PIEZO2: variants seen among roughly 807,000 people sequenced by gnomAD.
PIEZO2 encodes piezo-type mechanosensitive ion channel component 2.
In PIEZO2, 172 loss-of-function variants were observed where a neutral mutation model predicts 337.3. The ratio of observed to expected loss-of-function variants is 0.51; its 90% confidence interval spans 0.45 to 0.58. The LOEUF (loss-of-function observed/expected upper bound fraction) is 0.58. Among genes scored for constraint, PIEZO2 ranks in the 20% least tolerant of loss-of-function variants. The pLI is 0.00. For synonymous variants in PIEZO2, 1,251 were observed against 1,228.5 expected (o/e 1.02, Z -0.38); for missense variants, 3,028 against 3,391.3 (o/e 0.89, Z 2.66).
chr18:10,724,913 A>G lies in PIEZO2; in HGVS notation c.5029+6494T>C, dbSNP rs8082883. On this transcript the variant is annotated intron_variant, in intron 36 of 55. Coordinates refer to ENST00000674853, the MANE Select transcript of PIEZO2 (RefSeq NM_001378183.1). This position sits in a 1 kb window ranked among gnomAD's most constrained non-coding sequence, Gnocchi z 5.8. Reference sequence around the variant, plus strand: ...CGGCGGGGGCGTGGCACCCTGGGACAGCCTCCACCTGGACGGCGATGGAAC... The same window carrying G: ...CGGCGGGGGCGTGGCACCCTGGGACGGCCTCCACCTGGACGGCGATGGAAC... 14,931 of 1,608,742 alleles carry G rather than the reference A, an allele frequency of 9.3e-3. 1,191 individuals are homozygous for G. The African/African-American group carries it at 0.17, about 19-fold the overall frequency.
At position 10,697,927 on chromosome 18, in the gene PIEZO2, TG is replaced by T. The variant is rs1278570382; in HGVS notation, c.6695-48del. 5 of 1,556,760 alleles carry T rather than the reference TG, an allele frequency of 3.2e-6. No homozygotes were observed. In the African/African-American group the frequency reaches 6.8e-5, roughly 21 times the overall value. On this transcript the variant is annotated intron_variant, in intron 44 of 55. Coordinates refer to ENST00000674853, the MANE Select transcript of PIEZO2 (RefSeq NM_001378183.1). Reference sequence around the variant, plus strand: ...AAGATGGGTGGTGGAGCCTGGGGTTTGTTCACCTAAATATCCAAGAAGCAGA... The same window carrying T: ...AAGATGGGTGGTGGAGCCTGGGGTTTTTCACCTAAATATCCAAGAAGCAGA...
chr18:10,762,466 T>C (rs2038175252), intron 23 of PIEZO2, 34 bp downstream of exon 23: 4 of 1,530,032 alleles, frequency 2.6e-6, no homozygotes, highest in Non-Finnish European at 3.5e-6. Context: ...TATAACGGAG[T>C]GGAGGCCCAA....
At chr18:10,869,825 G>A (rs1290038671) in intron 5 of PIEZO2, among the ~76,000 whole-genome samples, 3 of 152,172 alleles carry the variant, frequency 2.0e-5, no homozygotes, top group Admixed American at 1.3e-4. Flanking sequence ...AAAAATAGCA[G>A]AATATTGATA....
chr18:11,026,536 G>A (rs1274145929), intron 2 of PIEZO2, among the ~76,000 whole-genome samples: 1 of 152,146 alleles, frequency 6.6e-6, no homozygotes, highest in Non-Finnish European at 1.5e-5. Flanking sequence ...AAAAGAAAAC[G>A]AAGCACCAGG....
chr18:10,948,018 GAAAA>G (rs2033113596), intron 3 of PIEZO2, among the ~76,000 whole-genome samples: 1 of 151,948 alleles, frequency 6.6e-6, no homozygotes, highest in African/African-American at 2.4e-5. Context: ...AAAAAAGAAA[GAAAA>G]GAACAGATAG....
rs2035988600 is a variant in PIEZO2, at chr18:10,715,799, T to A, written c.5107A>T (p.Ile1703Leu). Residue 1703 changes from isoleucine to leucine, a missense_variant, in exon 38 of 56, where the codon ATA becomes TTA. By Grantham distance (5) the Ile-to-Leu change is conservative. Around this residue, in one of 5 missense-constraint regions of PIEZO2, gnomAD observed 1,925 missense variants for 2,051.9 expected, o/e 0.94. Transcript: ENST00000674853. The part of the protein sequence containing the change: ...SDGPDNIIKR[I>L]FNILKFTWVL... ...CAGGTAAATTTCAAAATATTAAATA[T>A]CCTCTTGATGATATTATCTAGGAGG... 1 of 1,529,604 alleles carries A rather than the reference T, an allele frequency of 6.5e-7. No individual in the cohort carries two copies. Among genetic ancestry groups the A allele is most frequent in the Non-Finnish European group, 8.8e-7 (1 of 1,141,256 alleles). 94.8% of individuals were successfully genotyped at this position (1,529,604 alleles called of 1,614,324 possible).
intron 14 of PIEZO2, 93 bp from the exon 15 acceptor site, chr18:10,789,458 A>G: frequency 3.7e-6 from 5 of 1,346,236 alleles, no homozygotes; most frequent in Non-Finnish European, 4.9e-6. Flanking sequence ...AGAGGCATGC[A>G]TTTTCTAAGT....
chr18:11,072,799 T>C (rs1226734646), intron 1 of PIEZO2, among the ~76,000 whole-genome samples: 6 of 152,222 alleles, frequency 3.9e-5, no homozygotes, highest in African/African-American at 9.6e-5. Context: ...CCTTATTCTG[T>C]GTGTCTTTCT....
chr18:10,851,133 TTC>T (rs1285484216), intron 7 of PIEZO2, among the ~76,000 whole-genome samples: 2 of 144,948 alleles, frequency 1.4e-5, no homozygotes, highest in African/African-American at 5.6e-5. Context: ...TCTTTTTCTT[TTC>T]TTTTCTTTTT....
rs2036320949 is a variant in PIEZO2 at position 11,021,762 on chromosome 18, G to A, written c.161-42102C>T. 6.6e-6 allele frequency among the ~76,000 whole-genome samples: 1 copy of A among 152,196 alleles called. No individual in the cohort carries two copies. Among genetic ancestry groups the A allele is most frequent in the African/African-American group, 2.4e-5 (1 of 41,452 alleles). ...CAATGTATGAGTCTGAGCACCTGCA[G>A]TGTGTGTGAGGCATCATCTAGACGC... On this transcript the variant is annotated intron_variant, in intron 2 of 55. Transcript: ENST00000674853. This position sits in a 1 kb window ranked among gnomAD's most constrained non-coding sequence, Gnocchi z 4.7.
intron 4 of PIEZO2, among the ~76,000 whole-genome samples, chr18:10,893,932 A>G (rs576895407): frequency 1.3e-5 from 2 of 152,166 alleles, no homozygotes; most frequent in Non-Finnish European, 2.9e-5. Flanking sequence ...CTAGTCAGGC[A>G]TGAGTGAGGC....
At chr18:10,725,123 A>G in intron 36 of PIEZO2, 8 of 1,465,590 alleles carry the variant, frequency 5.5e-6, no homozygotes, top group Non-Finnish European at 7.6e-6. Flanking sequence ...TTCGAGTACC[A>G]GGAGCCCATG....
chr18:10,796,963 T>A (rs1046496210), intron 12 of PIEZO2, among the ~76,000 whole-genome samples: 4 of 152,030 alleles, frequency 2.6e-5, no homozygotes, highest in African/African-American at 9.7e-5. Context: ...CCATCATATC[T>A]TATATACCAT....
chr18:10,802,085 C>CAAA (rs58924448), intron 9 of PIEZO2, among the ~76,000 whole-genome samples: 128 of 96,432 alleles, frequency 1.3e-3, no homozygotes, highest in African/African-American at 1.9e-3. Context: ...GACTCCGTCT[C>CAAA]AAAAAAAAAA....
At chr18:11,085,204 A>G (rs2038871563) in intron 1 of PIEZO2, among the ~76,000 whole-genome samples, 1 of 152,128 alleles carries the variant, frequency 6.6e-6, no homozygotes. Flanking sequence ...AGTCCCAAGA[A>G]TCAAAACTGG....
In PIEZO2 at chr18:10,945,174, A is replaced by G. The variant is rs978343156; in HGVS notation, c.287-33946T>C. 3.3e-5 allele frequency among the ~76,000 whole-genome samples: 5 copies of G among 152,180 alleles called. No homozygotes were observed. Among genetic ancestry groups the G allele is most frequent in the African/African-American group, 4.8e-5 (2 of 41,444 alleles). ...TACCTGAATCTGAAGAAGACGCCCT[A>G]TGATTTTTAGGTGTTATTTTTTAGA... On this transcript the variant is annotated intron_variant, in intron 3 of 55. Transcript: ENST00000674853. This position sits in a 1 kb window ranked among gnomAD's most constrained non-coding sequence, Gnocchi z 4.0.
intron 1 of PIEZO2, among the ~76,000 whole-genome samples, chr18:11,122,917 T>C (rs866088307): frequency 6.6e-6 from 1 of 150,946 alleles, no homozygotes; most frequent in Non-Finnish European, 1.5e-5. Context: ...ATAACATATA[T>C]ATCTATGTAT....
intron 36 of PIEZO2, among the ~76,000 whole-genome samples, chr18:10,723,403 G>C (rs540797970): frequency 1.3e-5 from 2 of 152,158 alleles, no homozygotes; most frequent in African/African-American, 4.8e-5. Context: ...AAGAGAGAAC[G>C]GGAAAGAAGG....
chr18:10,675,638 C>T (rs768496861), intron 53 of PIEZO2, among the ~76,000 whole-genome samples: 23 of 152,176 alleles, frequency 1.5e-4, no homozygotes, highest in Admixed American at 3.9e-4. Context: ...CCATTAAGCA[C>T]GCTTCAAATT....
Sources: gnomAD v4.1 joint callset for allele counts (sites outside exome capture counted in the v4.1 genomes callset) on GRCh38, gnomAD v4.1.1 for gene constraint, gnomAD v4.1.1 regional missense constraint, Gnocchi (gnomAD v3.1) non-coding constraint, MANE v1.5 for transcripts, NCBI Gene and HGNC (gene_info 2026-07-23, HGNC 2026-07-21) for gene names.